FARP1: variants seen among roughly 807,000 people sequenced by gnomAD.
FARP1 encodes FERM, ARH/RhoGEF and pleckstrin domain protein 1.
Under a neutral mutation model 128.8 loss-of-function variants are expected in FARP1, and 52 were observed. The observed-to-expected ratio is 0.40, with a 90% CI of 0.32 to 0.51. FARP1 has a LOEUF of 0.51. FARP1 is among the 20% of genes least tolerant of loss of function. The pLI is 0.45. For missense variants in FARP1, 1,333 were observed against 1,367.9 expected, an observed-to-expected ratio of 0.97 and a Z score of 0.40; for synonymous variants, 580 against 551.8, an observed-to-expected ratio of 1.05 and a Z score of -0.72.
chr13:98,407,400 A>G (rs1891022851), intron 13 of FARP1: 1 of 151,600 alleles, frequency 6.6e-6, no homozygotes, highest in South Asian at 2.1e-4. Context: ...GTTCTAACTC[A>G]TTGTCACCAT....
At chr13:98,195,017 C>T (rs1255727387) in intron 1 of FARP1, among the ~76,000 whole-genome samples, 8 of 152,202 alleles carry the variant, frequency 5.3e-5, no homozygotes, top group African/African-American at 7.2e-5. Flanking sequence ...CAGGTACCTA[C>T]GCCATAGGGT....
chr13:98,411,621 G>A (rs771675024), intron 15 of FARP1, among the ~76,000 whole-genome samples: 4 of 152,170 alleles, frequency 2.6e-5, no homozygotes, highest in Non-Finnish European at 5.9e-5. Context: ...GTTTTGATTC[G>A]AGTAGTTCCC....
chr13:98,306,920 A>G (rs1192990615), intron 2 of FARP1, among the ~76,000 whole-genome samples: 3 of 152,266 alleles, frequency 2.0e-5, no homozygotes, highest in Non-Finnish European at 4.4e-5. Context: ...CATTCATTAA[A>G]TATTGGGCTT....
intron 2 of FARP1, among the ~76,000 whole-genome samples, chr13:98,308,004 G>GCCCCCCCCCCCC (rs147480714): frequency 1.1e-5 from 1 of 92,142 alleles, no homozygotes; most frequent in African/African-American, 3.6e-5. Flanking sequence ...TGGACTGCCT[G>GCCCCCCCCCCCC]CCCCCCTCCG....
intron 2 of FARP1, among the ~76,000 whole-genome samples, chr13:98,339,042 T>G (rs928000971): frequency 6.6e-6 from 1 of 152,146 alleles, no homozygotes; most frequent in Non-Finnish European, 1.5e-5. Flanking sequence ...CATGAGGGTA[T>G]CTTTATGTCT....
intron 1 of FARP1, among the ~76,000 whole-genome samples, chr13:98,147,253 C>T (rs942376386): frequency 2.6e-5 from 4 of 152,152 alleles, no homozygotes; most frequent in Non-Finnish European, 4.4e-5. Flanking sequence ...GATACTAATC[C>T]GGCGAGACTG....
intron 2 of FARP1, among the ~76,000 whole-genome samples, chr13:98,267,576 T>A (rs1884184723): frequency 2.0e-5 from 3 of 152,170 alleles, no homozygotes; most frequent in Non-Finnish European, 4.4e-5. Flanking sequence ...AGTTTCTATA[T>A]CCTTATTGGA....
intron 13 of FARP1, chr13:98,400,403 G>A (rs928459144): frequency 7.9e-5 from 12 of 152,212 alleles, no homozygotes; most frequent in African/African-American, 2.2e-4. Context: ...ACTGCCATGA[G>A]TGTGCACACA....
chr13:98,189,693 A>G (rs1879101887), intron 1 of FARP1, among the ~76,000 whole-genome samples: 1 of 152,246 alleles, frequency 6.6e-6, no homozygotes, highest in Admixed American at 6.5e-5. Flanking sequence ...TTCTCAAGTC[A>G]GGCATCGTTG....
Position 98,409,896 on chromosome 13 carries a change from C to T in FARP1, c.1602+371C>T, listed in dbSNP as rs186277950. Among the ~76,000 whole-genome samples, 435 of 152,358 alleles carry T rather than the reference C, an allele frequency of 2.9e-3. 4 individuals carry two copies. The highest frequency in any genetic ancestry group is 9.6e-3 in the African/African-American group (401 of 41,586). ...TGGCTTATTTCACTTAGCATTCTGTCTTCATGGATCATCCATATGTAGCAT... is the reference window on the plus strand; with the variant it reads ...TGGCTTATTTCACTTAGCATTCTGTTTTCATGGATCATCCATATGTAGCAT... On this transcript the variant is annotated intron_variant, in intron 14 of 26. Transcript: ENST00000319562.
rs574178182 is a variant in FARP1, at chr13:98,164,716, T to C, written c.-24+21224T>C. ...CCTCCTCCACCATCTAATGTGTAAA[T>C]ATGTGTGAAAGGGGAAGATCTCCAA... On this transcript the variant is annotated intron_variant, in intron 1 of 26. Transcript: ENST00000319562. Among the ~76,000 whole-genome samples, 17 of 152,234 alleles carry C rather than the reference T, an allele frequency of 1.1e-4. No homozygotes were observed. In the South Asian group the frequency reaches 3.5e-3, roughly 32 times the overall value.
rs969992972 is a variant in FARP1 at position 98,440,913 on chromosome 13, G to A, written c.2796+77G>A. 2.1e-6 allele frequency: 3 copies of A among 1,434,860 alleles called. No individual in the cohort carries two copies. In the African/African-American group the frequency reaches 4.3e-5, roughly 20 times the overall value. The allele number at this position is 1,434,860 out of a possible 1,614,324, so 88.9% of individuals were successfully genotyped here. A position where few individuals can be genotyped will look rare whatever the true frequency, so the allele number is the denominator to read the frequency against. Reference sequence around the variant, plus strand: ...AACCCAGGCAAACTTCTGGGCCAGGGGCTTGAGGGAGGCTGGGACTGTGGG... The same window carrying A: ...AACCCAGGCAAACTTCTGGGCCAGGAGCTTGAGGGAGGCTGGGACTGTGGG... On this transcript the variant is annotated intron_variant, in intron 24 of 26. Coordinates refer to ENST00000319562, the MANE Select transcript of FARP1 (RefSeq NM_005766.4).
chr13:98,201,707 C>T (rs1374749704), intron 1 of FARP1, among the ~76,000 whole-genome samples: 4 of 152,256 alleles, frequency 2.6e-5, no homozygotes, highest in East Asian at 1.9e-4. Flanking sequence ...CTCTTTTGCT[C>T]TGAGTTTTCC....
chr13:98,446,071 C>CAAACTGA (rs754160917), intron 24 of FARP1, 27 bp from the exon 25 acceptor site: 1 of 1,520,812 alleles, frequency 6.6e-7, no homozygotes, highest in South Asian at 1.1e-5. Flanking sequence ...GCCCGCTGTG[C>CAAACTGA]TTCTCACAGG....
chr13:98,366,800 A>G (rs1353616847), intron 4 of FARP1, among the ~76,000 whole-genome samples: 1 of 152,192 alleles, frequency 6.6e-6, no homozygotes, highest in Non-Finnish European at 1.5e-5. Context: ...CAGAATTGAC[A>G]TGTAAGAGTT....
At chr13:98,153,421 G>GTATAATATA (rs1187431651) in intron 1 of FARP1, among the ~76,000 whole-genome samples, 104 of 112,826 alleles carry the variant, frequency 9.2e-4, no homozygotes, top group East Asian at 1.2e-3. Flanking sequence ...TGTATAATAT[G>GTATAATATA]TAACACATTA....
chr13:98,422,263 G>A (rs1465783137), intron 16 of FARP1, among the ~76,000 whole-genome samples: 2 of 151,898 alleles, frequency 1.3e-5, no homozygotes, highest in East Asian at 1.9e-4. Context: ...CGGAGAGCCC[G>A]AATATAGGAG....
intron 8 of FARP1, among the ~76,000 whole-genome samples, chr13:98,386,577 A>G (rs1890107099): frequency 6.6e-6 from 1 of 152,168 alleles, no homozygotes; most frequent in Non-Finnish European, 1.5e-5. Flanking sequence ...TTCCCCACAA[A>G]ACCAACAGAA....
chr13:98,368,601 G>A (rs570807846), intron 5 of FARP1, among the ~76,000 whole-genome samples: 7 of 152,324 alleles, frequency 4.6e-5, no homozygotes, highest in Admixed American at 2.0e-4. Context: ...AAGTGTGACC[G>A]CGTGGAAGAA....
Sources: gnomAD v4.1 joint callset for allele counts (sites outside exome capture counted in the v4.1 genomes callset) on GRCh38, gnomAD v4.1.1 for gene constraint, MANE v1.5 for transcripts, NCBI Gene and HGNC (gene_info 2026-07-23, HGNC 2026-07-21) for gene names.